Variants in NECTIN1 observed in about 807,000 individuals in gnomAD.
NECTIN1 encodes the protein nectin-1.
NECTIN1 carries 23 observed loss-of-function variants against 48.0 expected under a neutral mutation model. That is an observed-to-expected ratio of 0.48 (90% confidence interval 0.34 to 0.68). The LOEUF is 0.68. Among genes scored for constraint, NECTIN1 ranks in the 30% least tolerant of loss-of-function variants. The pLI is 0.01. For synonymous variants in NECTIN1, 270 were observed against 288.9 expected, an observed-to-expected ratio of 0.93 and a Z score of 0.66; for missense variants, 591 against 709.9, an observed-to-expected ratio of 0.83 and a Z score of 1.90.
chr11:119,671,875 G>T (rs1053264410), intron 5 of NECTIN1, among the ~76,000 whole-genome samples: 1 of 152,210 alleles, frequency 6.6e-6, no homozygotes, highest in African/African-American at 2.4e-5. Context: ...ACTGCCATTC[G>T]CTGGCTCAGA....
At position 119,677,145 on chromosome 11, in the gene NECTIN1, T is replaced by C. The variant is rs1864966280; in HGVS notation, c.808A>G (p.Lys270Glu). The change falls in exon 4 of 6, where the codon AAA becomes GAA. Residue 270 changes from lysine (K) to glutamate (E), a missense_variant. Physicochemically the swap from Lys to Glu is moderately conservative, Grantham distance 56. Coordinates refer to ENST00000264025, the MANE Select transcript of NECTIN1 (RefSeq NM_002855.5). The surrounding 1 kb of genome is among the most constrained non-coding windows in gnomAD (Gnocchi z 5.4). ...GTGGCTGGGGGGTTAGCATCAGCTT[T>C]GCAGGTGAGCTTCACGTCCATCCGC... is the stretch of plus-strand genomic sequence containing the variant. ...LQRMDVKLTC[K>E]ADANPPATEY... The C allele has an allele frequency of 3.7e-6, 6 of 1,614,046 alleles. No homozygotes were observed. The highest frequency in any genetic ancestry group is 1.1e-5 in the South Asian group (1 of 91,080).
chr11:119,648,268 GTGGTGGTGA>G (rs1864428138), intron 5 of NECTIN1, among the ~76,000 whole-genome samples: 2 of 21,790 alleles, frequency 9.2e-5, no homozygotes, highest in Non-Finnish European at 2.1e-4. Flanking sequence ...GGTAATAGTG[GTGGTGGTGA>G]TGGTGGTGGT....
intron 1 of NECTIN1, among the ~76,000 whole-genome samples, chr11:119,698,928 C>T (rs1865388343): frequency 6.6e-6 from 1 of 152,180 alleles, no homozygotes; most frequent in African/African-American, 2.4e-5. Context: ...CAGCTGCTCC[C>T]ATTTGTGTGG....
At chr11:119,725,058 A>T (rs1368929458) in intron 1 of NECTIN1, among the ~76,000 whole-genome samples, 1 of 152,172 alleles carries the variant, frequency 6.6e-6, no homozygotes, top group Non-Finnish European at 1.5e-5. Context: ...TTGAAGATAC[A>T]TTCACACCTC....
intron 5 of NECTIN1, chr11:119,674,516 G>GT (rs1336696409): frequency 3.1e-6 from 5 of 1,608,320 alleles, no homozygotes; most frequent in Admixed American, 1.7e-5. Flanking sequence ...ACAGATGGTG[G>GT]GGGGGGCCCT....
chr11:119,667,227 G>A lies in NECTIN1; in HGVS notation c.1004-1930C>T, dbSNP rs1264874361. On this transcript the variant is annotated intron_variant, in intron 5 of 5. Coordinates refer to ENST00000264025, the MANE Select transcript of NECTIN1 (RefSeq NM_002855.5). The stretch of plus-strand genomic sequence containing the variant: ...CACGAGATGGGAGCAGCCTCCACCA[G>A]GGGTTCCCCAGAGGCAGCTGGGAAG... Among the ~76,000 whole-genome samples, 4 of 152,144 alleles carry A rather than the reference G, an allele frequency of 2.6e-5. No homozygotes were observed. In the East Asian group the frequency reaches 5.8e-4, roughly 22 times the overall value.
intron 1 of NECTIN1, among the ~76,000 whole-genome samples, chr11:119,700,484 T>C (rs551559672): frequency 6.6e-6 from 1 of 152,320 alleles, no homozygotes; most frequent in Admixed American, 6.5e-5. Context: ...GCTCGGTTGA[T>C]CCTTCCTTCA....
At chr11:119,707,836 C>T (rs1243214678) in intron 1 of NECTIN1, among the ~76,000 whole-genome samples, 1 of 152,246 alleles carries the variant, frequency 6.6e-6, no homozygotes, top group Non-Finnish European at 1.5e-5. Context: ...CACCTCGACA[C>T]TCTTCTACCC....
Position 119,678,730 on chromosome 11 carries a change from T to C in NECTIN1, c.115A>G (p.Met39Val). 6.2e-7 allele frequency: 1 copy of C among 1,613,222 alleles called. No individual in the cohort carries two copies. The highest frequency in any genetic ancestry group is 8.5e-7 in the Non-Finnish European group (1 of 1,179,720). ...ACGTCTGTGCCGATGAAGCCATACA[T>C]GGAGTCGTTCACCTGGACCACCTGG... The part of the protein sequence containing the change: ...HSQVVQVNDS[M>V]YGFIGTDVVL... The change falls in exon 2 of 6, where the codon ATG (methionine) becomes GTG (valine). Residue 39 changes from methionine to valine, a missense_variant. Physicochemically the swap from Met to Val is conservative, Grantham distance 21. Transcript: ENST00000264025. This position sits in a 1 kb window ranked among gnomAD's most constrained non-coding sequence, Gnocchi z 4.4.
intron 5 of NECTIN1, chr11:119,674,651 C>A (rs1263638710): frequency 6.2e-7 from 1 of 1,614,120 alleles, no homozygotes; most frequent in African/African-American, 1.3e-5. Flanking sequence ...CAGAAAGCTG[C>A]AGGGAAAGCT....
At chr11:119,675,580 C>A in intron 4 of NECTIN1, 1 of 397,196 alleles carries the variant, frequency 2.5e-6, no homozygotes, top group Non-Finnish European at 4.7e-6. Flanking sequence ...AGGTTCAAGG[C>A]CAGGGAACCA....
intron 5 of NECTIN1, among the ~76,000 whole-genome samples, chr11:119,669,691 A>G (rs146584159): frequency 6.6e-6 from 1 of 152,010 alleles, no homozygotes; most frequent in Admixed American, 6.6e-5. Context: ...CTCTGAAGTC[A>G]TCTGTTCCCG....
chr11:119,647,260 C>T (rs1864411673), intron 5 of NECTIN1, among the ~76,000 whole-genome samples: 1 of 146,978 alleles, frequency 6.8e-6, no homozygotes, highest in African/African-American at 2.5e-5. Flanking sequence ...AGGATTGTCA[C>T]TTCCCACTTC....
intron 1 of NECTIN1, among the ~76,000 whole-genome samples, chr11:119,693,461 G>A (rs1370003522): frequency 3.3e-5 from 5 of 152,322 alleles, no homozygotes; most frequent in East Asian, 1.9e-4. Flanking sequence ...CCTCAGCCTC[G>A]GGCCAAGAGA....
chr11:119,677,403 A>G lies in NECTIN1; in HGVS notation c.733+152T>C. On this transcript the variant is annotated intron_variant, in intron 3 of 5. Coordinates refer to ENST00000264025, the MANE Select transcript of NECTIN1 (RefSeq NM_002855.5). This position sits in a 1 kb window ranked among gnomAD's most constrained non-coding sequence, Gnocchi z 5.4. ...GGAAACAGGAGGGCGACAGGGAAGG[A>G]GGAGAGAAAACGAGCAAAGGGAGGA... The G allele has an allele frequency of 9.5e-7, 1 of 1,052,472 alleles. No homozygotes were observed. The allele number at this position is 1,052,472 out of a possible 1,614,324, so 65.2% of individuals were successfully genotyped here. A position where few individuals can be genotyped will look rare whatever the true frequency, so the allele number is the denominator to read the frequency against.
chr11:119,665,062 T>G lies in NECTIN1; in HGVS notation c.1239A>C (p.Ala413=). ...AGIPQHHPPM[A]QNLQYPDDSD... ...AGTCGTCGGGGTACTGCAGGTTCTG[T>G]GCCATTGGTGGGTGGTGCTGGGGGA... Residue 413 remains alanine (A), a synonymous_variant, in exon 6 of 6, where the codon GCA becomes GCC. Transcript: ENST00000264025. This position sits in a 1 kb window ranked among gnomAD's most constrained non-coding sequence, Gnocchi z 5.1. 1.9e-6 allele frequency: 3 copies of G among 1,613,958 alleles called. No individual in the cohort carries two copies. Among genetic ancestry groups the G allele is most frequent in the Non-Finnish European group, 2.5e-6 (3 of 1,179,938 alleles).
At chr11:119,705,844 T>C (rs1865539729) in intron 1 of NECTIN1, among the ~76,000 whole-genome samples, 2 of 151,578 alleles carry the variant, frequency 1.3e-5, no homozygotes, top group African/African-American at 4.9e-5. Flanking sequence ...GGGCAGGGGC[T>C]GCATCAAGGT....
downstream of NECTIN1, chr11:119,660,948 G>A (rs776038830): frequency 4.6e-5 from 42 of 921,106 alleles, no homozygotes; most frequent in African/African-American, 5.4e-5. Flanking sequence ...CGCCTTCCCC[G>A]CCCCCACTGC....
chr11:119,648,283 G>GGTGA (rs1864430414), intron 5 of NECTIN1, among the ~76,000 whole-genome samples: 2 of 11,246 alleles, frequency 1.8e-4, no homozygotes, highest in Non-Finnish European at 4.1e-4. Flanking sequence ...GGTGATGGTG[G>GGTGA]TGGTGATGGT....
Sources: allele counts gnomAD v4.1 joint callset (sites outside exome capture counted in the v4.1 genomes callset), GRCh38; gene constraint gnomAD v4.1.1; non-coding constraint Gnocchi (gnomAD v3.1); transcripts MANE v1.5; gene names NCBI Gene and HGNC (gene_info 2026-07-23, HGNC 2026-07-21).